The following HSD17B12 variants were observed in gnomAD, a reference collection of about 807,000 sequenced individuals.
HSD17B12 encodes the protein hydroxysteroid 17-beta dehydrogenase 12.
HSD17B12 carries 32 observed loss-of-function variants against 39.3 expected under a neutral mutation model. That is an observed-to-expected ratio of 0.81 (90% confidence interval 0.61 to 1.09). The LOEUF (loss-of-function observed/expected upper bound fraction) is 1.09. Among genes scored for constraint, HSD17B12 ranks in the 50% least tolerant of loss-of-function variants. The probability of loss-of-function intolerance (pLI) is 0.00; values close to 1 mark genes in which losing one functional copy is unlikely to be tolerated. For missense variants in HSD17B12, 342 were observed against 382.9 expected, an observed-to-expected ratio of 0.89 and a Z score of 0.89; for synonymous variants, 150 against 146.7, an observed-to-expected ratio of 1.02 and a Z score of -0.16.
chr11:43,816,386 T>C lies in HSD17B12; in HGVS notation c.496T>C (p.Cys166Arg), dbSNP rs374211288. The C allele has an allele frequency of 3.3e-6, 5 of 1,527,876 alleles. No homozygotes were observed. The highest frequency in any genetic ancestry group is 4.4e-6 in the Non-Finnish European group (5 of 1,128,308). 94.6% of individuals were successfully genotyped at this position (1,527,876 alleles called of 1,614,324 possible). Residue 166 changes from cysteine to arginine, a missense_variant, in exon 6 of 11, where the codon TGT (cysteine) becomes CGT (arginine). Transcript: ENST00000278353. ...GATAAATATTAATATTCTTTCTGTT[T>C]GTAAGGTAAGCATCCTTGTTATAAA... ...KMININILSV[C>R]KMTQLVLPGM...
At chr11:43,833,948 C>T (rs1951340747) in intron 7 of HSD17B12, 1 of 152,136 alleles carries the variant, frequency 6.6e-6, no homozygotes, top group Non-Finnish European at 1.5e-5. Flanking sequence ...ACATTGTGTA[C>T]AGCTGGAGCC....
At chr11:43,627,069 C>T in the HSD17B12 span, among the ~76,000 whole-genome samples, 1 of 151,932 alleles carries the variant, frequency 6.6e-6, no homozygotes, top group African/African-American at 2.4e-5. Context: ...GATAACATAG[C>T]CCTTTTCATT....
intron 1 of HSD17B12, among the ~76,000 whole-genome samples, chr11:43,741,832 C>T: frequency 6.8e-6 from 1 of 147,358 alleles, no homozygotes; most frequent in South Asian, 2.1e-4. Context: ...CTCTTGGGTT[C>T]ACTCCATCCT....
chr11:43,559,342 A>G, the HSD17B12 span, among the ~76,000 whole-genome samples: 1 of 152,178 alleles, frequency 6.6e-6, no homozygotes, highest in African/African-American at 2.4e-5. Flanking sequence ...GTGGTCTTCT[A>G]GGGACCAAGT....
the HSD17B12 span, among the ~76,000 whole-genome samples, chr11:43,590,316 G>A: frequency 6.6e-6 from 1 of 151,216 alleles, no homozygotes; most frequent in Admixed American, 6.6e-5. Context: ...GTAGACTCTG[G>A]GTCAGTTAAA....
At chr11:43,605,943 C>T in the HSD17B12 span, among the ~76,000 whole-genome samples, 1 of 152,094 alleles carries the variant, frequency 6.6e-6, no homozygotes, top group African/African-American at 2.4e-5. Context: ...ATTGTGAATA[C>T]AGCTGATCTA....
chr11:43,847,086 GTA>G lies in HSD17B12; in HGVS notation c.684+7023_684+7024del, dbSNP rs1293852848. Among the ~76,000 whole-genome samples, 7 of 85,062 alleles carry G rather than the reference GTA, an allele frequency of 8.2e-5. No homozygotes were observed. The East Asian group carries it at 3.2e-3, about 39-fold the overall frequency. The allele number at this position is 85,062 out of a possible 152,430, so 55.8% of individuals were successfully genotyped here. ...GATATGTTCAAGAACATGGGGAAGT[GTA>G]GAGAGAATGTACTGATCTTGGTGTG... On this transcript the variant is annotated intron_variant, in intron 9 of 10. Transcript: ENST00000278353.
At chr11:43,617,657 G>A in the HSD17B12 span, among the ~76,000 whole-genome samples, 1 of 152,124 alleles carries the variant, frequency 6.6e-6, no homozygotes, top group African/African-American at 2.4e-5. Context: ...AGGAGAGTCT[G>A]TGTACGCCAA....
intron 1 of HSD17B12, among the ~76,000 whole-genome samples, chr11:43,715,117 T>C (rs1590686245): frequency 6.6e-6 from 1 of 152,234 alleles, no homozygotes; most frequent in African/African-American, 2.4e-5. Flanking sequence ...ACTCTTTATT[T>C]CTTTCTCCTG....
intron 6 of HSD17B12, among the ~76,000 whole-genome samples, chr11:43,826,697 T>G (rs1951244944): frequency 6.6e-6 from 1 of 152,212 alleles, no homozygotes; most frequent in Non-Finnish European, 1.5e-5. Flanking sequence ...CTTTGTCTAA[T>G]TAAGCTTTCC....
chr11:43,610,015 C>A, the HSD17B12 span, among the ~76,000 whole-genome samples: 1 of 152,070 alleles, frequency 6.6e-6, no homozygotes, highest in Non-Finnish European at 1.5e-5. Context: ...GCTGTTAGGG[C>A]GGGATAAAAT....
At chr11:43,724,667 T>C (rs765162102) in intron 1 of HSD17B12, among the ~76,000 whole-genome samples, 1 of 152,194 alleles carries the variant, frequency 6.6e-6, no homozygotes, top group Non-Finnish European at 1.5e-5. Context: ...AAAAGAGGAC[T>C]GATCCCATTC....
At chr11:43,764,622 A>G (rs1950580119) in intron 3 of HSD17B12, among the ~76,000 whole-genome samples, 1 of 152,182 alleles carries the variant, frequency 6.6e-6, no homozygotes, top group Non-Finnish European at 1.5e-5. Flanking sequence ...GTGTATTAAC[A>G]TTTAGAGTTG....
At chr11:43,662,521 C>CAA in the HSD17B12 span, among the ~76,000 whole-genome samples, 3 of 104,068 alleles carry the variant, frequency 2.9e-5, no homozygotes, top group Non-Finnish European at 4.1e-5. Context: ...GGCCACATCT[C>CAA]AAAAAAAAAA....
At chr11:43,561,172 T>C in the HSD17B12 span, among the ~76,000 whole-genome samples, 1 of 152,242 alleles carries the variant, frequency 6.6e-6, no homozygotes, top group South Asian at 2.1e-4. Flanking sequence ...GACTGATCTG[T>C]ACTTAGGTTT....
chr11:43,602,910 G>A, the HSD17B12 span, among the ~76,000 whole-genome samples: 1 of 151,942 alleles, frequency 6.6e-6, no homozygotes, highest in Non-Finnish European at 1.5e-5. Flanking sequence ...CTCAATACTA[G>A]TGTGAAAGGT....
intron 3 of HSD17B12, among the ~76,000 whole-genome samples, chr11:43,774,913 A>C (rs1950684860): frequency 6.6e-6 from 1 of 152,258 alleles, no homozygotes; most frequent in African/African-American, 2.4e-5. Flanking sequence ...TGGCAAAGGC[A>C]ATGGGAGTTT....
At chr11:43,665,067 C>T in the HSD17B12 span, among the ~76,000 whole-genome samples, 4 of 152,038 alleles carry the variant, frequency 2.6e-5, no homozygotes, top group Non-Finnish European at 4.4e-5. Flanking sequence ...TTCTTAAACA[C>T]GTAATATACA....
the HSD17B12 span, among the ~76,000 whole-genome samples, chr11:43,639,735 A>G: frequency 6.6e-6 from 1 of 152,218 alleles, no homozygotes; most frequent in Non-Finnish European, 1.5e-5. Context: ...GGCATAAGGG[A>G]AAGCAATTTT....
Sources: allele counts gnomAD v4.1 joint callset (sites outside exome capture counted in the v4.1 genomes callset), GRCh38; gene constraint gnomAD v4.1.1; transcripts MANE v1.5; gene names NCBI Gene and HGNC (gene_info 2026-07-23, HGNC 2026-07-21).